STRN: variants seen among roughly 807,000 people sequenced by gnomAD.
The protein encoded by STRN is striatin.
STRN carries 53 observed loss-of-function variants against 96.3 expected under a neutral mutation model. The ratio of observed to expected loss-of-function variants is 0.55; its 90% CI spans 0.44 to 0.69. STRN has a LOEUF of 0.69. Ranked by LOEUF, STRN falls within the 30% of genes least tolerant of loss-of-function variation. The pLI, the probability that STRN is intolerant of heterozygous loss-of-function variation, is 0.00. For synonymous variants in STRN, 428 were observed against 355.9 expected (o/e 1.20, Z -2.28); for missense variants, 987 against 963.9 (o/e 1.02, Z -0.32).
chr2:36,966,275 G>C lies in STRN; in HGVS notation c.189C>G (p.Phe63Leu). Residue 63 changes from phenylalanine to leucine, a missense_variant, in exon 1 of 18, where the codon TTC becomes TTG. Coordinates refer to ENST00000263918, the MANE Select transcript of STRN (RefSeq NM_003162.4). The part of the protein sequence containing the change: ...LHFLQHEWAR[F>L]EVERAQWEVE... Reference sequence around the variant, plus strand: ...CCTCCCACTGGGCTCTCTCCACCTCGAAGCGGGCCCACTCGTGCTGCAGGA... The same window carrying C: ...CCTCCCACTGGGCTCTCTCCACCTCCAAGCGGGCCCACTCGTGCTGCAGGA... The C allele has an allele frequency of 6.3e-7, 1 of 1,587,298 alleles. No individual in the cohort carries two copies. Among genetic ancestry groups the C allele is most frequent in the Non-Finnish European group, 8.6e-7 (1 of 1,169,080 alleles).
At chr2:36,954,520 G>GAA (rs35594116) in intron 1 of STRN, among the ~76,000 whole-genome samples, 7 of 84,900 alleles carry the variant, frequency 8.2e-5, no homozygotes, top group South Asian at 3.8e-4. Flanking sequence ...TCAAACAGGG[G>GAA]AAAAAAAAAA....
intron 1 of STRN, among the ~76,000 whole-genome samples, chr2:36,958,756 G>A (rs1366534855): frequency 6.6e-6 from 1 of 152,202 alleles, no homozygotes; most frequent in Non-Finnish European, 1.5e-5. Flanking sequence ...GATAGCAACT[G>A]AGAAATCTGC....
intron 9 of STRN, among the ~76,000 whole-genome samples, chr2:36,878,810 T>C (rs1459601458): frequency 6.6e-6 from 1 of 152,142 alleles, no homozygotes; most frequent in Non-Finnish European, 1.5e-5. Flanking sequence ...TGGAGTGCAG[T>C]GGTGACATCT....
chr2:36,878,729 T>A (rs1044527420), intron 9 of STRN, among the ~76,000 whole-genome samples: 5 of 151,788 alleles, frequency 3.3e-5, no homozygotes, highest in African/African-American at 1.2e-4. Context: ...TCATCTAAAA[T>A]TTTTTTTTAT....
intron 1 of STRN, among the ~76,000 whole-genome samples, chr2:36,948,132 C>T (rs1458188186): frequency 7.2e-5 from 7 of 97,188 alleles, no homozygotes; most frequent in African/African-American, 2.6e-4. Flanking sequence ...GACAGAGTCT[C>T]ACTCTGTCGC....
rs984489097 is a variant in STRN, at chr2:36,839,406, A to C, written c.*10050T>G. On this transcript the variant is annotated 3_prime_UTR_variant, in exon 18 of 18. Transcript: ENST00000263918. ...ATATTAAGGAAAGTAGTCTTCTGCTACTCTTGATGTTCATTTTAACCTATT... is the reference window on the plus strand; with the variant it reads ...ATATTAAGGAAAGTAGTCTTCTGCTCCTCTTGATGTTCATTTTAACCTATT... 2.0e-5 allele frequency among the ~76,000 whole-genome samples: 3 copies of C among 152,028 alleles called. No homozygotes were observed. The highest frequency in any genetic ancestry group is 7.2e-5 in the African/African-American group (3 of 41,386).
At chr2:36,936,855 T>G (rs1429699799) in intron 1 of STRN, among the ~76,000 whole-genome samples, 2 of 152,214 alleles carry the variant, frequency 1.3e-5, no homozygotes, top group Non-Finnish European at 2.9e-5. Context: ...ACCTTTCATT[T>G]TGTTGCTGAA....
intron 1 of STRN, among the ~76,000 whole-genome samples, chr2:36,938,757 T>C (rs556377507): frequency 6.6e-5 from 10 of 152,342 alleles, no homozygotes; most frequent in Middle Eastern, 3.4e-3. Flanking sequence ...ATGACAATTT[T>C]GTGATTTTTC....
intron 1 of STRN, among the ~76,000 whole-genome samples, chr2:36,949,020 T>C (rs1271308115): frequency 6.6e-6 from 1 of 152,232 alleles, no homozygotes; most frequent in Non-Finnish European, 1.5e-5. Context: ...TAACCATATA[T>C]ACATGATGGT....
At chr2:36,951,464 G>T (rs1342658538) in intron 1 of STRN, among the ~76,000 whole-genome samples, 5 of 152,196 alleles carry the variant, frequency 3.3e-5, no homozygotes. Context: ...CAGCAAAAGG[G>T]ACAGATACAC....
At chr2:36,867,646 G>C (rs371582781) in intron 12 of STRN, among the ~76,000 whole-genome samples, 168 bp downstream of exon 12, 12 of 152,050 alleles carry the variant, frequency 7.9e-5, no homozygotes, top group South Asian at 6.2e-4. Context: ...ATCCCTACTT[G>C]GCAATGATGA....
chr2:36,913,520 T>C (rs1230980449), intron 3 of STRN, among the ~76,000 whole-genome samples: 1 of 152,244 alleles, frequency 6.6e-6, no homozygotes, highest in Non-Finnish European at 1.5e-5. Flanking sequence ...AAGCCTTTCT[T>C]GACCACTTGA....
chr2:36,898,472 G>A (rs1320303759), intron 6 of STRN, among the ~76,000 whole-genome samples: 1 of 152,210 alleles, frequency 6.6e-6, no homozygotes, highest in East Asian at 1.9e-4. Flanking sequence ...CAATAATCTG[G>A]TAGTAATAAT....
chr2:36,853,242 A>G (rs1211500074), intron 15 of STRN, among the ~76,000 whole-genome samples: 3 of 152,230 alleles, frequency 2.0e-5, no homozygotes, highest in Non-Finnish European at 1.5e-5. Context: ...ATCCTAAACA[A>G]AGAGATGTTT....
intron 9 of STRN, among the ~76,000 whole-genome samples, chr2:36,880,199 C>A (rs1669031676): frequency 6.6e-6 from 1 of 152,214 alleles, no homozygotes; most frequent in Admixed American, 6.5e-5. Context: ...AACTCCTGAC[C>A]TCAAGCGATC....
chr2:36,960,379 G>C (rs944841242), intron 1 of STRN, among the ~76,000 whole-genome samples: 2 of 152,066 alleles, frequency 1.3e-5, no homozygotes, highest in Non-Finnish European at 2.9e-5. Context: ...TTAGTGCCTG[G>C]GTCAGACCCA....
chr2:36,878,970 C>G (rs1168838180), intron 9 of STRN, among the ~76,000 whole-genome samples: 1 of 151,824 alleles, frequency 6.6e-6, no homozygotes, highest in African/African-American at 2.4e-5. Flanking sequence ...CCAGGCTGGT[C>G]GTGAACTCCT....
chr2:36,957,087 T>C (rs1035123227), intron 1 of STRN, among the ~76,000 whole-genome samples: 5 of 152,180 alleles, frequency 3.3e-5, no homozygotes, highest in African/African-American at 9.7e-5. Context: ...CAAACAGCCT[T>C]GCAGGACTCA....
intron 8 of STRN, among the ~76,000 whole-genome samples, chr2:36,885,540 T>G (rs1309222088): frequency 2.0e-5 from 3 of 152,172 alleles, no homozygotes; most frequent in Non-Finnish European, 4.4e-5. Context: ...CATTCTGATT[T>G]AATCTATCTT....
Sources: allele counts gnomAD v4.1 joint callset (sites outside exome capture counted in the v4.1 genomes callset), GRCh38; gene constraint gnomAD v4.1.1; transcripts MANE v1.5; gene names NCBI Gene and HGNC (gene_info 2026-07-23, HGNC 2026-07-21).